The following UNC79 variants were observed in gnomAD, a reference collection of about 807,000 sequenced individuals.
UNC79 encodes protein unc-79 homolog.
In UNC79, 37 loss-of-function variants were observed where a neutral mutation model predicts 283.1. That is an observed-to-expected ratio of 0.13 (90% CI 0.10 to 0.17). The LOEUF is 0.17. UNC79 is among the 10% of genes least tolerant of loss of function. The probability of loss-of-function intolerance (pLI) is 1.00; values close to 1 mark genes in which losing one functional copy is unlikely to be tolerated. For missense variants in UNC79, 2,272 were observed against 3,211.1 expected, an observed-to-expected ratio of 0.71 and a Z score of 7.07; for synonymous variants, 1,107 against 1,200.2, an observed-to-expected ratio of 0.92 and a Z score of 1.61.
intron 22 of UNC79, among the ~76,000 whole-genome samples, chr14:93,591,746 G>A (rs548929955): frequency 2.0e-5 from 3 of 152,304 alleles, no homozygotes; most frequent in East Asian, 3.9e-4. Context: ...GTGGCACTTC[G>A]TATGGGACCC....
At chr14:93,350,800 T>C (rs567873132) in intron 1 of UNC79, among the ~76,000 whole-genome samples, 1 of 152,336 alleles carries the variant, frequency 6.6e-6, no homozygotes, top group Non-Finnish European at 1.5e-5. Flanking sequence ...ACAACTCTCT[T>C]CCTCAGTTTT....
chr14:93,685,099 AT>A (rs2074137020), intron 42 of UNC79, among the ~76,000 whole-genome samples: 1 of 152,222 alleles, frequency 6.6e-6, no homozygotes, highest in Admixed American at 6.5e-5. Context: ...CTTTTATCAG[AT>A]GTAGCTGGTT....
At chr14:93,593,567 A>T in intron 22 of UNC79, 113 bp from the exon 23 acceptor site, 1 of 1,290,276 alleles carries the variant, frequency 7.8e-7, no homozygotes, top group Non-Finnish European at 1.1e-6. Flanking sequence ...TTTCACCAAA[A>T]GCACCCCTAC....
chr14:93,487,597 T>C (rs2058508169), intron 4 of UNC79, 66 bp from the exon 5 acceptor site: 5 of 1,344,458 alleles, frequency 3.7e-6, no homozygotes, highest in Middle Eastern at 1.8e-4. Context: ...TCTCTCATGC[T>C]CTGTGCAAAG....
intron 37 of UNC79, among the ~76,000 whole-genome samples, chr14:93,654,689 C>T (rs539977138): frequency 2.6e-5 from 4 of 152,098 alleles, no homozygotes; most frequent in African/African-American, 9.6e-5. Context: ...TGCGGCTTTG[C>T]GTGGATTTAC....
At chr14:93,502,166 C>T (rs1360580252) in intron 7 of UNC79, among the ~76,000 whole-genome samples, 1 of 152,152 alleles carries the variant, frequency 6.6e-6, no homozygotes, top group Non-Finnish European at 1.5e-5. Context: ...GTAATCCCAG[C>T]ACTTTGGGAG....
chr14:93,692,484 A>G (rs1407382516), intron 46 of UNC79, among the ~76,000 whole-genome samples: 2 of 152,128 alleles, frequency 1.3e-5, no homozygotes, highest in Non-Finnish European at 2.9e-5. Flanking sequence ...TAGGAGTGAG[A>G]TTCATATTAA....
chr14:93,446,459 G>C (rs542443019), intron 1 of UNC79, among the ~76,000 whole-genome samples: 2 of 149,752 alleles, frequency 1.3e-5, no homozygotes, highest in South Asian at 2.1e-4. Context: ...GCAGTGGCAC[G>C]ATCTTAGCTC....
In UNC79 at chr14:93,550,528, A is replaced by AGAAAAG. The variant is rs1555449128; in HGVS notation, c.1755+7832_1755+7833insGAAAAG. ...AGACTCCGTATCAAAAAAAAAAAAA[A>AGAAAAG]AAAAAAAAAAAAAGAGGAAGGAGTC... On this transcript the variant is annotated intron_variant, in intron 14 of 48. Transcript: ENST00000555664. Among the ~76,000 whole-genome samples the AGAAAAG allele has an allele frequency of 2.6e-3, 18 of 6,896 alleles. 3 individuals are homozygous for AGAAAAG. Among genetic ancestry groups the AGAAAAG allele is most frequent in the Non-Finnish European group, 5.7e-3 (17 of 2,980 alleles). 4.5% of individuals were successfully genotyped at this position (6,896 alleles called of 152,430 possible).
chr14:93,445,178 T>C (rs1201747483), intron 1 of UNC79, among the ~76,000 whole-genome samples: 1 of 152,198 alleles, frequency 6.6e-6, no homozygotes, highest in African/African-American at 2.4e-5. Flanking sequence ...ATGTATTTGG[T>C]GAGTAGTTTA....
intron 25 of UNC79, among the ~76,000 whole-genome samples, chr14:93,601,472 T>C (rs552460319): frequency 6.6e-6 from 1 of 152,380 alleles, no homozygotes; most frequent in East Asian, 1.9e-4. Context: ...ATGGTACATA[T>C]GTATACCACA....
At chr14:93,431,152 CG>C in intron 1 of UNC79, 101 bp downstream of exon 1, 1 of 33,270 alleles carries the variant, frequency 3.0e-5, no homozygotes, top group Non-Finnish European at 6.2e-5. Flanking sequence ...TGTGCTGGTG[CG>C]GGGGTGGGGG....
intron 48 of UNC79, among the ~76,000 whole-genome samples, chr14:93,704,974 T>A (rs903298623): frequency 1.3e-5 from 2 of 152,040 alleles, no homozygotes; most frequent in African/African-American, 2.4e-5. Context: ...ATGGCTTCTG[T>A]CTGTAATCCC....
intron 14 of UNC79, among the ~76,000 whole-genome samples, chr14:93,565,855 C>T (rs181850509): frequency 4.3e-4 from 66 of 152,304 alleles, no homozygotes; most frequent in Non-Finnish European, 7.5e-4. Context: ...TTCAATCCAT[C>T]CTGCATGGGT....
At chr14:93,460,692 C>T (rs2056938322) in intron 1 of UNC79, among the ~76,000 whole-genome samples, 1 of 151,744 alleles carries the variant, frequency 6.6e-6, no homozygotes, top group Admixed American at 6.6e-5. Flanking sequence ...ACTCAGCAAT[C>T]CCATAACTAA....
chr14:93,510,676 C>T (rs1004646937), intron 7 of UNC79, among the ~76,000 whole-genome samples: 4 of 152,196 alleles, frequency 2.6e-5, no homozygotes, highest in Non-Finnish European at 5.9e-5. Context: ...ATAAGTTCCT[C>T]ATCTCCATCG....
intron 11 of UNC79, among the ~76,000 whole-genome samples, chr14:93,535,756 G>A (rs1048916384): frequency 5.3e-5 from 8 of 152,304 alleles, no homozygotes; most frequent in Admixed American, 4.6e-4. Context: ...GATCTGGGAG[G>A]AGTATCTAAT....
At chr14:93,512,866 C>G (rs2059891709) in intron 7 of UNC79, among the ~76,000 whole-genome samples, 1 of 152,022 alleles carries the variant, frequency 6.6e-6, no homozygotes, top group Non-Finnish European at 1.5e-5. Flanking sequence ...TCATTTGCTT[C>G]TTTTCACTCT....
intron 26 of UNC79, among the ~76,000 whole-genome samples, chr14:93,603,684 T>C (rs1419727877): frequency 6.6e-6 from 1 of 152,202 alleles, no homozygotes; most frequent in African/African-American, 2.4e-5. Flanking sequence ...ATGCTTGGCA[T>C]GCAACTTAGA....
Sources: gnomAD v4.1 joint callset for allele counts (sites outside exome capture counted in the v4.1 genomes callset) on GRCh38, gnomAD v4.1.1 for gene constraint, MANE v1.5 for transcripts, NCBI Gene and HGNC (gene_info 2026-07-23, HGNC 2026-07-21) for gene names.